The following MPG variants were observed in gnomAD, a reference collection of about 807,000 sequenced individuals.
MPG encodes the protein N-methylpurine DNA glycosylase.
A neutral mutation model predicts 31.7 loss-of-function variants in MPG; 33 were observed. The observed-to-expected ratio is 1.04, with a 90% CI of 0.79 to 1.39. MPG has a LOEUF of 1.39. Ranked by LOEUF, MPG falls within the 40% of genes most tolerant of loss-of-function variation. MPG has a pLI of 0.00. For synonymous variants in MPG, 202 were observed against 169.2 expected, an observed-to-expected ratio of 1.19 and a Z score of -1.51; for missense variants, 455 against 415.5, an observed-to-expected ratio of 1.10 and a Z score of -0.83.
chr16:82,699 G>A (rs750111859), intron 2 of MPG, among the ~76,000 whole-genome samples: 16 of 152,302 alleles, frequency 1.1e-4, no homozygotes, highest in Non-Finnish European at 2.4e-4. Flanking sequence ...TTTTCTCAAG[G>A]GCACTTGGGA....
intron 2 of MPG, among the ~76,000 whole-genome samples, chr16:82,658 T>C (rs1898282322): frequency 1.3e-5 from 2 of 152,198 alleles, no homozygotes; most frequent in Non-Finnish European, 2.9e-5. Context: ...GTGCCTTCCG[T>C]GATGCCTGGC....
intron 2 of MPG, among the ~76,000 whole-genome samples, chr16:81,973 T>C (rs1898254790): frequency 1.7e-5 from 2 of 120,804 alleles, no homozygotes; most frequent in East Asian, 4.6e-4. Flanking sequence ...CTCCCCGCGC[T>C]GACCCCTTCT....
chr16:83,641 G>A (rs150624848), intron 3 of MPG, among the ~76,000 whole-genome samples: 11 of 151,774 alleles, frequency 7.2e-5, no homozygotes, highest in South Asian at 4.2e-4. Flanking sequence ...CTAGGGAGGC[G>A]GAGGCAGGAG....
At chr16:77,747 C>T (rs3176366), upstream of MPG, among the ~76,000 whole-genome samples, 1,417 of 152,290 alleles carry the variant, frequency 9.3e-3, 32 homozygotes, top group African/African-American at 0.032. Context: ...AAGGACTCCC[C>T]GGCCCACTCC....
At chr16:82,701 C>G (rs927282025) in intron 2 of MPG, among the ~76,000 whole-genome samples, 8 of 152,160 alleles carry the variant, frequency 5.3e-5, no homozygotes, top group Admixed American at 6.5e-5. Context: ...TTCTCAAGGG[C>G]ACTTGGGAAA....
chr16:84,100 G>A (rs1372929034), intron 3 of MPG, among the ~76,000 whole-genome samples: 2 of 152,292 alleles, frequency 1.3e-5, no homozygotes, highest in African/African-American at 4.8e-5. Context: ...CTCATTTGCA[G>A]GCGGCTCTGT....
Position 83,173 on chromosome 16 carries a change from A to C in MPG, c.422A>C (p.Asn141Thr), listed in dbSNP as rs1472615998. Residue 141 changes from asparagine (N) to threonine (T), a missense_variant, in exon 3 of 4, where the codon AAC becomes ACC. Coordinates refer to ENST00000356432, the MANE Select transcript of MPG (RefSeq NM_001015052.3). ...HSRGGRQTPR[N>T]RGMFMKPGTL... ...AGGGGTGGCCGGCAGACCCCCCGCA[A>C]CCGAGGCATGTTCATGAAGCCGGGG... 6.2e-7 allele frequency: 1 copy of C among 1,613,002 alleles called. No homozygotes were observed. Among genetic ancestry groups the C allele is most frequent in the Non-Finnish European group, 8.5e-7 (1 of 1,179,944 alleles).
At chr16:81,773 CGGG>C (rs1898246016) in intron 2 of MPG, among the ~76,000 whole-genome samples, 1 of 64,870 alleles carries the variant, frequency 1.5e-5, no homozygotes. Context: ...ACCCTACCTC[CGGG>C]AAGCCCTCCT....
chr16:80,430 GA>G (rs1898208382), intron 2 of MPG, among the ~76,000 whole-genome samples: 1 of 152,210 alleles, frequency 6.6e-6, no homozygotes, highest in Non-Finnish European at 1.5e-5. Flanking sequence ...GGTGCTAAAG[GA>G]GCAGACCCTA....
rs757340771 is a variant in MPG at position 85,406 on chromosome 16, G to T, written c.511G>T (p.Gly171Trp). Residue 171 changes from glycine to tryptophan, a missense_variant, in exon 4 of 4, where the codon GGG (glycine) becomes TGG (tryptophan). Coordinates refer to ENST00000356432, the MANE Select transcript of MPG (RefSeq NM_001015052.3). ...FCMNISSQGD[G>W]ACVLLRALEP... ...CCAAACTGTCCGTCCCACAGGGGAC[G>T]GGGCTTGCGTCTTGCTGCGAGCACT... 3.7e-6 allele frequency: 6 copies of T among 1,603,176 alleles called. No homozygotes were observed. Among genetic ancestry groups the T allele is most frequent in the Non-Finnish European group, 4.3e-6 (5 of 1,174,212 alleles).
At chr16:83,308 C>G in intron 3 of MPG, 52 bp downstream of exon 3, 2 of 1,552,232 alleles carry the variant, frequency 1.3e-6, no homozygotes, top group Non-Finnish European at 1.8e-6. Flanking sequence ...GCCCTGTCCG[C>G]TAGCAGCCAG....
rs369670692 is a variant in MPG, at chr16:83,111, G to A, written c.360G>A (p.Glu120=). ...TCCGAGGCCGCATCGTGGAGACCGAGGCATACCTGGGGCCAGAGGATGAAG... is the reference window on the plus strand; with the variant it reads ...TCCGAGGCCGCATCGTGGAGACCGAAGCATACCTGGGGCCAGAGGATGAAG... ...TELRGRIVET[E]AYLGPEDEAA... is the part of the protein sequence containing the mutation. Residue 120 remains glutamate (E), a synonymous_variant, in exon 3 of 4, where the codon GAG becomes GAA. Coordinates refer to ENST00000356432, the MANE Select transcript of MPG (RefSeq NM_001015052.3). 84 of 1,612,950 alleles carry A rather than the reference G, an allele frequency of 5.2e-5. No individual in the cohort carries two copies. The highest frequency in any genetic ancestry group is 6.4e-5 in the Non-Finnish European group (76 of 1,179,880).
chr16:85,749 G>C lies in MPG; in HGVS notation c.854G>C (p.Arg285Thr). The C allele has an allele frequency of 6.6e-7, 1 of 1,513,358 alleles. No homozygotes were observed. The highest frequency in any genetic ancestry group is 1.3e-5 in the South Asian group (1 of 75,378). The allele number at this position is 1,513,358 out of a possible 1,614,324, so 93.7% of individuals were successfully genotyped here. Residue 285 changes from arginine (R) to threonine (T), a missense_variant, in exon 4 of 4, where the codon AGA becomes ACA. Arg to Thr is a moderately conservative substitution (Grantham distance 71). Transcript: ENST00000356432. ...AGCCCCTGGGTCAGTGTGGTCGACA[G>C]AGTGGCTGAGCAGGACACACAGGCC... ...RGSPWVSVVD[R>T]VAEQDTQA
At chr16:78,578 C>T (rs1898155279) in intron 1 of MPG, among the ~76,000 whole-genome samples, 1 of 152,230 alleles carries the variant, frequency 6.6e-6, no homozygotes, top group Non-Finnish European at 1.5e-5. Flanking sequence ...GTCACGTCAG[C>T]GTCCGTTCCA....
At chr16:84,955 C>G (rs1003501584) in intron 3 of MPG, among the ~76,000 whole-genome samples, 2 of 152,246 alleles carry the variant, frequency 1.3e-5, no homozygotes, top group Non-Finnish European at 2.9e-5. Context: ...TGCTTCCTGG[C>G]TGAATGATCG....
In MPG at chr16:83,095, G is replaced by A. The variant is rs202188306; in HGVS notation, c.344G>A (p.Arg115His). 1.8e-4 allele frequency: 290 copies of A among 1,611,640 alleles called. 1 individual carries two copies. The highest frequency in any genetic ancestry group is 1.7e-3 in the Admixed American group (104 of 59,792). The change falls in exon 3 of 4, where the codon CGC becomes CAC. Residue 115 changes from arginine to histidine, a missense_variant. Physicochemically the swap from Arg to His is conservative, Grantham distance 29. Coordinates refer to ENST00000356432, the MANE Select transcript of MPG (RefSeq NM_001015052.3). ...CCTAATGGCACAGAACTCCGAGGCC[G>A]CATCGTGGAGACCGAGGCATACCTG... ...RLPNGTELRG[R>H]IVETEAYLGP...
intron 2 of MPG, among the ~76,000 whole-genome samples, chr16:80,212 C>T (rs1330305111): frequency 6.6e-6 from 1 of 152,188 alleles, no homozygotes; most frequent in Non-Finnish European, 1.5e-5. Flanking sequence ...GCAGCCTGTC[C>T]CCACGAGCAG....
chr16:79,605 A>G lies in MPG; in HGVS notation c.205A>G (p.Ile69Val), dbSNP rs1417856484. The G allele has an allele frequency of 6.2e-7, 1 of 1,605,148 alleles. No homozygotes were observed. The highest frequency in any genetic ancestry group is 1.1e-5 in the South Asian group (1 of 90,372). The change falls in exon 2 of 4, where the codon ATC (isoleucine) becomes GTC (valine). Residue 69 changes from isoleucine to valine, a missense_variant. Physicochemically the swap from Ile to Val is conservative, Grantham distance 29 (BLOSUM62 3). Coordinates refer to ENST00000356432, the MANE Select transcript of MPG (RefSeq NM_001015052.3). ...CACCACTCCGGGCCCATACCGCAGC[A>G]TCTATTTCTCAAGCCCAAAGGGCCA... Reference protein sequence around the residue: ...PPTTPGPYRSIYFSSPKGHLT... With the variant: ...PPTTPGPYRSVYFSSPKGHLT...
At position 83,504 on chromosome 16, in the gene MPG, G is replaced by A. The variant is rs1016026068; in HGVS notation, c.505+248G>A. ...GCCTGTCATCCCAGCACTTCGGGAG[G>A]CCGAGGCGGGCGGATCACCTGAGGT... On this transcript the variant is annotated intron_variant, in intron 3 of 3. Coordinates refer to ENST00000356432, the MANE Select transcript of MPG (RefSeq NM_001015052.3). 1.3e-5 allele frequency: 6 copies of A among 446,516 alleles called. No homozygotes were observed. In the Admixed American group the frequency reaches 2.0e-4, roughly 15 times the overall value. The allele number at this position is 446,516 out of a possible 1,614,324, so 27.7% of individuals were successfully genotyped here. A position where few individuals can be genotyped will look rare whatever the true frequency, so the allele number is the denominator to read the frequency against.
Sources: allele counts gnomAD v4.1 joint callset (sites outside exome capture counted in the v4.1 genomes callset), GRCh38; gene constraint gnomAD v4.1.1; transcripts MANE v1.5; gene names NCBI Gene and HGNC (gene_info 2026-07-23, HGNC 2026-07-21).